Variants in ANKS1B observed in about 807,000 individuals in gnomAD.
ANKS1B encodes ankyrin repeat and sterile alpha motif domain containing 1B, also known as ankyrin repeat and sterile alpha motif domain-containing protein 1B.
ANKS1B carries 36 observed loss-of-function variants against 148.3 expected under a neutral mutation model. The observed-to-expected ratio is 0.24, with a 90% confidence interval of 0.19 to 0.32. ANKS1B has a LOEUF of 0.32. Among genes scored for constraint, ANKS1B ranks in the 10% least tolerant of loss-of-function variants. ANKS1B has a pLI of 1.00. For synonymous variants in ANKS1B, 542 were observed against 560.8 expected (o/e 0.97, Z 0.47); for missense variants, 1,157 against 1,542.6 (o/e 0.75, Z 4.19).
chr12:99,114,384 T>C (rs968486059), intron 15 of ANKS1B, among the ~76,000 whole-genome samples: 10 of 152,254 alleles, frequency 6.6e-5, no homozygotes, highest in Admixed American at 2.0e-4. Context: ...ACAGAGTAAA[T>C]AGACAACTAC....
intron 15 of ANKS1B, among the ~76,000 whole-genome samples, chr12:99,146,253 G>A (rs946123336): frequency 4.6e-5 from 7 of 152,066 alleles, no homozygotes; most frequent in African/African-American, 1.4e-4. Context: ...TAGGGGGATG[G>A]GGAAGCAGAC....
intron 10 of ANKS1B, among the ~76,000 whole-genome samples, chr12:99,475,975 A>G (rs1439673409): frequency 6.6e-6 from 1 of 152,186 alleles, no homozygotes; most frequent in Non-Finnish European, 1.5e-5. Flanking sequence ...TTTAAACAAT[A>G]AAACAATAAT....
intron 26 of ANKS1B, among the ~76,000 whole-genome samples, chr12:98,747,656 C>G (rs1040413014): frequency 1.3e-5 from 2 of 152,200 alleles, no homozygotes; most frequent in African/African-American, 4.8e-5. Context: ...TCTGCACTCC[C>G]ATGTTTATTG....
intron 1 of ANKS1B, among the ~76,000 whole-genome samples, chr12:99,947,101 C>G (rs1264896679): frequency 6.6e-6 from 1 of 152,024 alleles, no homozygotes; most frequent in Non-Finnish European, 1.5e-5. Context: ...TTAAGTTGTA[C>G]TGCTCCAAAG....
Position 99,717,990 on chromosome 12 carries a change from G to A in ANKS1B, c.1128+54932C>T, listed in dbSNP as rs1299727035. ...GCGATCTCGGCTCACTGCAAGCTCC[G>A]CCTCCCGGGTTCACGCCATTCTCCT... On this transcript the variant is annotated intron_variant, in intron 8 of 26. Transcript: ENST00000683438. 5.5e-3 allele frequency among the ~76,000 whole-genome samples: 751 copies of A among 136,938 alleles called. 4 individuals are homozygous for A. Among genetic ancestry groups the A allele is most frequent in the Non-Finnish European group, 8.1e-3 (535 of 65,832 alleles). The allele number at this position is 136,938 out of a possible 152,430, so 89.8% of individuals were successfully genotyped here.
intron 17 of ANKS1B, among the ~76,000 whole-genome samples, chr12:98,944,599 C>T (rs1015916637): frequency 6.6e-6 from 1 of 152,102 alleles, no homozygotes. Context: ...GAAATATAGT[C>T]ATTTATATTT....
intron 14 of ANKS1B, among the ~76,000 whole-genome samples, chr12:99,232,529 C>T (rs532964365): frequency 3.3e-5 from 5 of 152,280 alleles, no homozygotes; most frequent in African/African-American, 9.6e-5. Context: ...AAGCACGTCC[C>T]GTGGAGCCAA....
chr12:98,758,902 T>C (rs2098331656), intron 25 of ANKS1B, among the ~76,000 whole-genome samples: 1 of 148,498 alleles, frequency 6.7e-6, no homozygotes, highest in Non-Finnish European at 1.5e-5. Context: ...TGCCTCAGCC[T>C]CCTGAGTGGC....
At chr12:99,171,279 G>GT (rs1274984217) in intron 14 of ANKS1B, among the ~76,000 whole-genome samples, 3 of 152,152 alleles carry the variant, frequency 2.0e-5, no homozygotes, top group African/African-American at 4.8e-5. Context: ...AAAACTGACA[G>GT]TAAGAATTAG....
At chr12:99,443,057 C>T (rs917331689) in intron 11 of ANKS1B, among the ~76,000 whole-genome samples, 1 of 151,760 alleles carries the variant, frequency 6.6e-6, no homozygotes, top group South Asian at 2.1e-4. Flanking sequence ...TAAAGCTTGC[C>T]TGCAAACCGC....
Position 99,050,693 on chromosome 12 carries a change from T to TC in ANKS1B, c.2778+2463_2778+2464insG, listed in dbSNP as rs1375536391. Among the ~76,000 whole-genome samples the TC allele has an allele frequency of 3.5e-5, 5 of 142,948 alleles. 1 individual carries two copies. The South Asian group carries it at 6.9e-4, about 20-fold the overall frequency. 93.8% of individuals were successfully genotyped at this position (142,948 alleles called of 152,430 possible). On this transcript the variant is annotated intron_variant, in intron 17 of 26. Coordinates refer to ENST00000683438, the MANE Select transcript of ANKS1B (RefSeq NM_001352186.2). The stretch of plus-strand genomic sequence containing the variant: ...CCAGTTTTCTTTTTTTCTTTTTCTT[T>TC]TTTTTTTTTTTTTTTTGAGACAGAG...
intron 17 of ANKS1B, among the ~76,000 whole-genome samples, chr12:98,837,058 G>A (rs1241311396): frequency 5.3e-5 from 8 of 152,172 alleles, no homozygotes; most frequent in East Asian, 1.9e-4. Flanking sequence ...TTGGCCAGGC[G>A]CAGTGGCTCA....
chr12:98,895,565 A>G (rs1463490854), intron 17 of ANKS1B, among the ~76,000 whole-genome samples: 1 of 152,132 alleles, frequency 6.6e-6, no homozygotes, highest in Admixed American at 6.5e-5. Flanking sequence ...CTCGCAGGAG[A>G]CGCCTCGGCA....
intron 14 of ANKS1B, among the ~76,000 whole-genome samples, chr12:99,234,892 C>T (rs1472141): frequency 0.46 from 70,296 of 151,858 alleles, 18,588 homozygotes; most frequent in African/African-American, 0.74. Context: ...GAAAAAACTG[C>T]AACTCAGCAA....
In ANKS1B at chr12:99,820,053, G is replaced by C. The variant is rs1395459474; in HGVS notation, c.215+5256C>G. Among the ~76,000 whole-genome samples the C allele has an allele frequency of 2.0e-5, 3 of 151,734 alleles. No homozygotes were observed. In the East Asian group the frequency reaches 5.8e-4, roughly 29 times the overall value. On this transcript the variant is annotated intron_variant, in intron 2 of 26. Coordinates refer to ENST00000683438, the MANE Select transcript of ANKS1B (RefSeq NM_001352186.2). ...TTTTAAAAAGAGAAAAAGATACAAA[G>C]AAATAGCTCTCTACTCTATCTATGG...
intron 22 of ANKS1B, among the ~76,000 whole-genome samples, chr12:98,795,245 A>G (rs2098937551): frequency 6.6e-6 from 1 of 152,242 alleles, no homozygotes; most frequent in Non-Finnish European, 1.5e-5. Context: ...CAAGGAACTA[A>G]CAATTTGTAT....
At chr12:99,433,662 G>A (rs1490899849) in intron 11 of ANKS1B, among the ~76,000 whole-genome samples, 1 of 152,144 alleles carries the variant, frequency 6.6e-6, no homozygotes, top group African/African-American at 2.4e-5. Context: ...ACATCCCATT[G>A]AGATTTAGGG....
At chr12:99,545,133 T>C (rs1054758539) in intron 9 of ANKS1B, among the ~76,000 whole-genome samples, 2 of 152,132 alleles carry the variant, frequency 1.3e-5, no homozygotes, top group African/African-American at 4.8e-5. Flanking sequence ...CCGTTCTTCA[T>C]GAGACAACAA....
intron 9 of ANKS1B, among the ~76,000 whole-genome samples, chr12:99,615,851 T>C (rs1416488433): frequency 6.6e-6 from 1 of 152,100 alleles, no homozygotes; most frequent in African/African-American, 2.4e-5. Flanking sequence ...GGAAGTCAAA[T>C]TGTCTCCGTT....
Sources: gnomAD v4.1 joint callset for allele counts (sites outside exome capture counted in the v4.1 genomes callset) on GRCh38, gnomAD v4.1.1 for gene constraint, MANE v1.5 for transcripts, NCBI Gene and HGNC (gene_info 2026-07-23, HGNC 2026-07-21) for gene names.